The following TTC4 variants were observed in gnomAD, a reference collection of about 807,000 sequenced individuals.
TTC4 encodes the protein hsp70/Hsp90 co-chaperone CNS1 homolog.
TTC4 carries 36 observed loss-of-function variants against 51.9 expected under a neutral mutation model. The observed-to-expected ratio is 0.69, with a 90% CI of 0.53 to 0.92. The LOEUF is 0.92. Ranked by LOEUF, TTC4 falls within the 40% of genes least tolerant of loss-of-function variation. TTC4 has a pLI of 0.00. For missense variants in TTC4, 399 were observed against 454.6 expected (o/e 0.88, Z 1.11); for synonymous variants, 144 against 164.2 (o/e 0.88, Z 0.94).
At chr1:54,720,287 C>T (rs2101301685) in intron 3 of TTC4, among the ~76,000 whole-genome samples, 1 of 152,180 alleles carries the variant, frequency 6.6e-6, no homozygotes, top group East Asian at 1.9e-4. Flanking sequence ...AAATATTTAT[C>T]TGGCCCTTTA....
At chr1:54,726,155 A>G (rs1288531108) in intron 5 of TTC4, among the ~76,000 whole-genome samples, 2 of 152,216 alleles carry the variant, frequency 1.3e-5, no homozygotes, top group African/African-American at 2.4e-5. Context: ...AGTGATCTCT[A>G]CCTAAACACA....
Position 54,731,479 on chromosome 1 carries a change from AAC to A in TTC4, c.682-6_682-5del. 1.2e-6 allele frequency: 2 copies of A among 1,613,810 alleles called. No individual in the cohort carries two copies. Among genetic ancestry groups the A allele is most frequent in the South Asian group, 1.1e-5 (1 of 91,050 alleles). ...ATTATGTGTGTGTGTTTCTGTCTTT[AAC>A]CCAGGCTAGGAATATCAGGCTCTCA... On this transcript the variant is annotated splice_polypyrimidine_tract_variant and splice_region_variant and intron_variant, in intron 6 of 9. Transcript: ENST00000371281.
At chr1:54,718,253 G>A (rs969958489) in intron 3 of TTC4, among the ~76,000 whole-genome samples, 6 of 152,036 alleles carry the variant, frequency 3.9e-5, no homozygotes, top group Admixed American at 6.5e-5. Context: ...CCTGCCTGTA[G>A]TCCTAGCTAC....
chr1:54,723,593 T>C (rs1645768539), intron 5 of TTC4, among the ~76,000 whole-genome samples: 1 of 152,178 alleles, frequency 6.6e-6, no homozygotes, highest in South Asian at 2.1e-4. Context: ...CTGCCTGAAT[T>C]TGAAGACTCC....
At chr1:54,736,174 AGGAGAGAGAG>A in intron 8 of TTC4, among the ~76,000 whole-genome samples, 1 of 95,160 alleles carries the variant, frequency 1.1e-5, no homozygotes, top group African/African-American at 5.3e-5. Flanking sequence ...AAAGAAAGAA[AGGAGAGAGAG>A]AGAGAGAGAG....
intron 8 of TTC4, among the ~76,000 whole-genome samples, chr1:54,736,228 G>A (rs946989046): frequency 1.2e-4 from 16 of 130,166 alleles, no homozygotes; most frequent in Non-Finnish European, 2.3e-4. Context: ...GAGAGAAGAG[G>A]AGAGGAGAGA....
intron 5 of TTC4, 97 bp downstream of exon 5, chr1:54,722,896 CAA>C: frequency 6.7e-7 from 1 of 1,487,980 alleles, no homozygotes; most frequent in East Asian, 2.3e-5. Flanking sequence ...TTTTTAAAAA[CAA>C]AACCCAAAAC....
chr1:54,739,516 C>T (rs976090864), intron 9 of TTC4, among the ~76,000 whole-genome samples: 1 of 152,164 alleles, frequency 6.6e-6, no homozygotes, highest in Admixed American at 6.5e-5. Flanking sequence ...CTGCACAGGG[C>T]AGTCCTGCTA....
In TTC4 at chr1:54,741,574, G is replaced by GA; in HGVS notation, c.*63dup. 7.5e-7 allele frequency: 1 copy of GA among 1,341,134 alleles called. No individual in the cohort carries two copies. Among genetic ancestry groups the GA allele is most frequent in the Non-Finnish European group, 1.1e-6 (1 of 933,442 alleles). The allele number at this position is 1,341,134 out of a possible 1,614,324, so 83.1% of individuals were successfully genotyped here. A position where few individuals can be genotyped will look rare whatever the true frequency, so the allele number is the denominator to read the frequency against. On this transcript the variant is annotated 3_prime_UTR_variant, in exon 10 of 10. Transcript: ENST00000371281. ...CCTCTGCTGGGAACCTAGCACACCT[G>GA]AATCAGCTGGACATACTGCTGGAGT...
At chr1:54,716,575 G>A (rs2101286355) in intron 1 of TTC4, 25 bp from the exon 2 acceptor site, 2 of 1,565,836 alleles carry the variant, frequency 1.3e-6, no homozygotes, top group South Asian at 2.3e-5. Flanking sequence ...GCTTATTCAT[G>A]TAGTTCATTC....
chr1:54,718,064 C>T (rs866486991), intron 3 of TTC4, among the ~76,000 whole-genome samples: 32 of 152,120 alleles, frequency 2.1e-4, no homozygotes, highest in Non-Finnish European at 1.0e-4. Context: ...TATCTCAAAG[C>T]GTTCTGTGGG....
chr1:54,719,659 A>G (rs910191626), intron 3 of TTC4, among the ~76,000 whole-genome samples: 1 of 152,224 alleles, frequency 6.6e-6, no homozygotes, highest in African/African-American at 2.4e-5. Flanking sequence ...TGTTATTTCA[A>G]TAGCTAAAGT....
chr1:54,737,905 T>TC (rs911809357), intron 9 of TTC4, among the ~76,000 whole-genome samples: 1 of 150,318 alleles, frequency 6.7e-6, no homozygotes, highest in African/African-American at 2.5e-5. Context: ...GCAGGAAAAC[T>TC]CCCTTTTTTT....
chr1:54,731,560 C>T lies in TTC4; in HGVS notation c.756C>T (p.Phe252=), dbSNP rs1460282659. Reference sequence around the variant, plus strand: ...CCTCAGAAGGTCTAGGTGAGCTTTTCCTGGATGGACTCAGCACTGAGAACC... The same window carrying T: ...CCTCAGAAGGTCTAGGTGAGCTTTTTCTGGATGGACTCAGCACTGAGAACC... ...DSASEGLGEL[F]LDGLSTENPH... is the part of the protein sequence containing the mutation. The change falls in exon 7 of 10, where the codon TTC becomes TTT. Residue 252 remains phenylalanine, a synonymous_variant. Coordinates refer to ENST00000371281, the MANE Select transcript of TTC4 (RefSeq NM_004623.5). The T allele has an allele frequency of 1.2e-6, 2 of 1,613,942 alleles. No homozygotes were observed. The highest frequency in any genetic ancestry group is 2.7e-5 in the African/African-American group (2 of 74,900).
At chr1:54,741,306 G>A in intron 9 of TTC4, 105 bp from the exon 10 acceptor site, 2 of 956,196 alleles carry the variant, frequency 2.1e-6, no homozygotes. Context: ...GCATTTTCAT[G>A]TTGACTCCCA....
At chr1:54,722,883 A>C (rs1471925957) in intron 5 of TTC4, 84 bp downstream of exon 5, 1 of 1,551,914 alleles carries the variant, frequency 6.4e-7, no homozygotes, top group Non-Finnish European at 8.7e-7. Flanking sequence ...AGTCATTGTA[A>C]ACTTTTTAAA....
rs551497866 is a variant in TTC4 at position 54,721,409 on chromosome 1, G to T, written c.469+169G>T. On this transcript the variant is annotated intron_variant, in intron 4 of 9. Coordinates refer to ENST00000371281, the MANE Select transcript of TTC4 (RefSeq NM_004623.5). ...CTCAGAGAGTGACTTAACCCTTTAT[G>T]TAATAATAATTTGTAGAGAACTAGA... is the stretch of plus-strand genomic sequence containing the variant. Among the ~76,000 whole-genome samples the T allele has an allele frequency of 1.2e-4, 19 of 152,196 alleles. No individual in the cohort carries two copies. The East Asian group carries it at 1.5e-3, about 12-fold the overall frequency.
intron 5 of TTC4, 85 bp downstream of exon 5, chr1:54,722,884 A>G: frequency 6.4e-7 from 1 of 1,551,290 alleles, no homozygotes; most frequent in Non-Finnish European, 8.7e-7. Flanking sequence ...GTCATTGTAA[A>G]CTTTTTAAAA....
chr1:54,720,572 G>A (rs999584259), intron 3 of TTC4, among the ~76,000 whole-genome samples: 2 of 149,534 alleles, frequency 1.3e-5, no homozygotes, highest in African/African-American at 2.5e-5. Flanking sequence ...ACATCCTACC[G>A]TGTTTCTTAC....
Sources: gnomAD v4.1 joint callset for allele counts (sites outside exome capture counted in the v4.1 genomes callset) on GRCh38, gnomAD v4.1.1 for gene constraint, MANE v1.5 for transcripts, NCBI Gene and HGNC (gene_info 2026-07-23, HGNC 2026-07-21) for gene names.